The following STAG2 variants were observed in gnomAD, a reference collection of about 807,000 sequenced individuals.
STAG2 encodes cohesin subunit SA-2.
In STAG2, 14 loss-of-function variants were observed where a neutral mutation model predicts 108.1. The observed-to-expected ratio is 0.13, with a 90% CI of 0.09 to 0.20. STAG2 has a LOEUF of 0.20. Ranked by LOEUF, STAG2 falls within the 10% of genes least tolerant of loss-of-function variation. The pLI is 1.00. For missense variants in STAG2, 440 were observed against 940.9 expected (o/e 0.47, Z 6.96); for synonymous variants, 307 against 302.7 (o/e 1.01, Z -0.15).
chrX:124,014,718 A>C (rs1170136023), intron 1 of STAG2, among the ~76,000 whole-genome samples: 2 of 110,880 alleles, frequency 1.8e-5, no homozygotes, highest in Admixed American at 1.9e-4. Context: ...TTAGTTAGGA[A>C]ATATAGACAG....
At chrX:124,055,624 A>T in intron 13 of STAG2, among the ~76,000 whole-genome samples, 1 of 112,427 alleles carries the variant, frequency 8.9e-6, no homozygotes, top group Non-Finnish European at 1.9e-5. Flanking sequence ...TTTGGCACTT[A>T]GATTTTAGTT....
chrX:124,076,279 T>TA, intron 25 of STAG2, 53 bp from the exon 26 acceptor site: 1 of 1,143,336 alleles, frequency 8.7e-7, no homozygotes, highest in Non-Finnish European at 1.2e-6. Flanking sequence ...TTAAAAAAAA[T>TA]ACATGGTTGA....
intron 5 of STAG2, among the ~76,000 whole-genome samples, chrX:124,033,571 G>T: frequency 9.0e-6 from 1 of 111,234 alleles, no homozygotes. Flanking sequence ...AGACCAGCCT[G>T]CCCAACATGG....
intron 32 of STAG2, among the ~76,000 whole-genome samples, chrX:124,091,231 A>G (rs2059245153): frequency 8.9e-6 from 1 of 111,803 alleles, no homozygotes; most frequent in African/African-American, 3.2e-5. Flanking sequence ...CAGCATTAAA[A>G]ATACAGTTGT....
chrX:123,983,196 A>G (rs1405889322), intron 1 of STAG2, among the ~76,000 whole-genome samples: 1 of 110,729 alleles, frequency 9.0e-6, no homozygotes, highest in Non-Finnish European at 1.9e-5. Flanking sequence ...CTTATAAATT[A>G]TGAGTATACA....
intron 34 of STAG2, among the ~76,000 whole-genome samples, chrX:124,096,845 A>T: frequency 8.9e-6 from 1 of 111,879 alleles, no homozygotes. Context: ...TAGCTTTTAG[A>T]ACTATTTTGA....
intron 27 of STAG2, among the ~76,000 whole-genome samples, chrX:124,080,061 G>A (rs887885374): frequency 1.8e-5 from 2 of 110,633 alleles, no homozygotes; most frequent in Admixed American, 9.7e-5. Context: ...GGTATGCATT[G>A]TGAAATGATT....
intron 14 of STAG2, among the ~76,000 whole-genome samples, 191 bp downstream of exon 14, chrX:124,056,426 A>G (rs1322798700): frequency 9.0e-6 from 1 of 110,785 alleles, no homozygotes; most frequent in Admixed American, 9.7e-5. Context: ...GATTTATTTT[A>G]AGTTAGATCT....
chrX:123,986,156 TATATGATAC>T (rs2055177281), intron 1 of STAG2, among the ~76,000 whole-genome samples: 1 of 107,101 alleles, frequency 9.3e-6, no homozygotes, highest in African/African-American at 3.4e-5. Flanking sequence ...ATATATGATA[TATATGATAC>T]ATATGTGATA....
chrX:123,985,746 T>A (rs1015686593), intron 1 of STAG2, among the ~76,000 whole-genome samples: 19 of 108,667 alleles, frequency 1.7e-4, no homozygotes, highest in Admixed American at 3.0e-4. Flanking sequence ...AATTTTTTTT[T>A]TTTTTATTTT....
At chrX:124,019,953 T>A (rs2056869940) in intron 1 of STAG2, among the ~76,000 whole-genome samples, 1 of 112,429 alleles carries the variant, frequency 8.9e-6, no homozygotes, top group South Asian at 3.6e-4. Context: ...CTCTATTTTT[T>A]ATATACGTAT....
intron 1 of STAG2, among the ~76,000 whole-genome samples, chrX:123,974,540 A>T (rs1439731800): frequency 1.0e-5 from 1 of 97,591 alleles, no homozygotes; most frequent in Non-Finnish European, 2.1e-5. Context: ...TGATCATCTT[A>T]TATATGCAGT....
intron 1 of STAG2, 194 bp downstream of exon 1, chrX:123,962,050 C>G (rs1038725023): frequency 6.3e-5 from 7 of 111,460 alleles, no homozygotes; most frequent in African/African-American, 2.3e-4. Context: ...CTTTTCATTC[C>G]CACCCCCACC....
At chrX:124,042,447 G>C (rs772278747) in intron 6 of STAG2, 122 bp from the exon 7 acceptor site, 3 of 455,644 alleles carry the variant, frequency 6.6e-6, no homozygotes, top group Non-Finnish European at 1.2e-5. Context: ...ATTAGATGAT[G>C]GTTGAAGAAG....
At chrX:123,995,766 C>A (rs368901711) in intron 1 of STAG2, among the ~76,000 whole-genome samples, 1 of 111,811 alleles carries the variant, frequency 8.9e-6, no homozygotes, top group Non-Finnish European at 1.9e-5. Context: ...ATATGAATGG[C>A]GCTTAAATAA....
intron 25 of STAG2, among the ~76,000 whole-genome samples, chrX:124,075,995 C>T (rs778458367): frequency 1.8e-5 from 2 of 111,334 alleles, no homozygotes; most frequent in African/African-American, 3.3e-5. Context: ...TGTTCAGGAA[C>T]GTAGGAGCCT....
chrX:124,095,896 T>C (rs747399539), intron 34 of STAG2, among the ~76,000 whole-genome samples: 1 of 110,100 alleles, frequency 9.1e-6, no homozygotes, highest in Non-Finnish European at 1.9e-5. Flanking sequence ...GAAGGGTATC[T>C]AGCTATCTAG....
chrX:123,978,267 G>A (rs1256581082), intron 1 of STAG2, among the ~76,000 whole-genome samples: 1 of 107,631 alleles, frequency 9.3e-6, no homozygotes, highest in African/African-American at 3.4e-5. Context: ...CATCACCTAG[G>A]TATTAAGCCC....
intron 1 of STAG2, among the ~76,000 whole-genome samples, chrX:124,013,324 A>AACAC (rs71886288): frequency 1.8e-4 from 19 of 103,659 alleles, no homozygotes; most frequent in East Asian, 9.1e-4. Flanking sequence ...CACACACACA[A>AACAC]ACACACACAC....
Sources: gnomAD v4.1 joint callset for allele counts (sites outside exome capture counted in the v4.1 genomes callset) on GRCh38, gnomAD v4.1.1 for gene constraint, MANE v1.5 for transcripts, NCBI Gene and HGNC (gene_info 2026-07-23, HGNC 2026-07-21) for gene names.